The following RAB31 variants were observed in gnomAD, a reference collection of about 807,000 sequenced individuals.
RAB31 encodes ras-related protein Rab-31.
In RAB31, 21 loss-of-function variants were observed where a neutral mutation model predicts 25.6. The observed-to-expected ratio is 0.82, with a 90% CI of 0.58 to 1.18. The LOEUF is 1.18. Among genes scored for constraint, RAB31 ranks in the 50% most tolerant of loss-of-function variants. RAB31 has a pLI of 0.00. For missense variants in RAB31, 196 were observed against 250.1 expected, an observed-to-expected ratio of 0.78 and a Z score of 1.46; for synonymous variants, 87 against 84.0, an observed-to-expected ratio of 1.04 and a Z score of -0.20.
intron 1 of RAB31, among the ~76,000 whole-genome samples, chr18:9,749,464 C>G (rs1480296293): frequency 2.6e-5 from 4 of 152,206 alleles, no homozygotes; most frequent in African/African-American, 7.2e-5. Flanking sequence ...TTCTACTCCT[C>G]TACACAGTTA....
chr18:9,770,186 G>A (rs77923554), intron 1 of RAB31, among the ~76,000 whole-genome samples: 1 of 152,162 alleles, frequency 6.6e-6, no homozygotes, highest in Non-Finnish European at 1.5e-5. Flanking sequence ...TTTGGTATCA[G>A]GATGATGCTG....
At chr18:9,778,044 C>T (rs1314200829) in intron 2 of RAB31, among the ~76,000 whole-genome samples, 2 of 152,058 alleles carry the variant, frequency 1.3e-5, no homozygotes, top group African/African-American at 4.8e-5. Flanking sequence ...TGAGCCACTG[C>T]ACCCGGCCTG....
At chr18:9,792,067 T>A (rs1568180186) in intron 2 of RAB31, 87 bp from the exon 3 acceptor site, 2 of 1,509,078 alleles carry the variant, frequency 1.3e-6, no homozygotes, top group East Asian at 5.0e-5. Flanking sequence ...GGGGTCCTGC[T>A]GAGGTGTAGC....
rs936515295 is a variant in RAB31 at position 9,751,743 on chromosome 18, G to A, written c.40-23535G>A. On this transcript the variant is annotated intron_variant, in intron 1 of 6. Coordinates refer to ENST00000578921, the MANE Select transcript of RAB31 (RefSeq NM_006868.4). ...GTAAAAAAGTGGTTCATTTAATGAT[G>A]TAACGGCAAAGTGAAGGGACAAAAT... is the stretch of plus-strand genomic sequence containing the variant. 2.0e-5 allele frequency among the ~76,000 whole-genome samples: 3 copies of A among 152,232 alleles called. No individual in the cohort carries two copies. The East Asian group carries it at 5.8e-4, about 29-fold the overall frequency.
intron 6 of RAB31, among the ~76,000 whole-genome samples, chr18:9,853,808 T>C (rs2068801078): frequency 6.6e-6 from 1 of 152,178 alleles, no homozygotes; most frequent in South Asian, 2.1e-4. Flanking sequence ...CAATTCTCTA[T>C]TTTTCACTCA....
intron 5 of RAB31, among the ~76,000 whole-genome samples, chr18:9,838,257 G>A (rs569919098): frequency 3.0e-4 from 45 of 152,294 alleles, no homozygotes; most frequent in African/African-American, 1.1e-3. Context: ...CTTTCTGTGA[G>A]CAGTGCACTT....
At chr18:9,762,321 T>A (rs1214588444) in intron 1 of RAB31, among the ~76,000 whole-genome samples, 1 of 152,202 alleles carries the variant, frequency 6.6e-6, no homozygotes, top group Non-Finnish European at 1.5e-5. Flanking sequence ...GTAAAGATTG[T>A]CTTGTAAAAA....
intron 5 of RAB31, among the ~76,000 whole-genome samples, chr18:9,826,571 G>A (rs72477243): frequency 2.0e-5 from 3 of 152,000 alleles, no homozygotes; most frequent in Admixed American, 2.0e-4. Flanking sequence ...TTAATATGAG[G>A]CTACCCTATT....
At chr18:9,723,374 A>G (rs2068081857) in intron 1 of RAB31, among the ~76,000 whole-genome samples, 1 of 152,212 alleles carries the variant, frequency 6.6e-6, no homozygotes, top group Non-Finnish European at 1.5e-5. Context: ...TGAGCATGTG[A>G]ATAATGAACT....
chr18:9,792,968 C>T (rs990198585), intron 3 of RAB31, among the ~76,000 whole-genome samples: 2 of 152,200 alleles, frequency 1.3e-5, no homozygotes, highest in Non-Finnish European at 2.9e-5. Flanking sequence ...GCTGAAAATA[C>T]TTATGGAGAA....
At chr18:9,777,134 G>A (rs1175875541) in intron 2 of RAB31, among the ~76,000 whole-genome samples, 2 of 151,022 alleles carry the variant, frequency 1.3e-5, no homozygotes, top group East Asian at 3.9e-4. Flanking sequence ...ATGAGGTCAG[G>A]AGTTCAAGAC....
At chr18:9,774,316 G>A (rs1005113447) in intron 1 of RAB31, among the ~76,000 whole-genome samples, 1 of 152,120 alleles carries the variant, frequency 6.6e-6, no homozygotes, top group Non-Finnish European at 1.5e-5. Flanking sequence ...GCCCAGCTCC[G>A]TCCGATGCAG....
rs7244788 is a variant in RAB31 at position 9,835,949 on chromosome 18, C to T, written c.381-9633C>T. Among the ~76,000 whole-genome samples the T allele has an allele frequency of 6.1e-3, 925 of 152,086 alleles. 7 individuals carry two copies. Among genetic ancestry groups the T allele is most frequent in the African/African-American group, 0.021 (866 of 41,494 alleles). ...TCATTTCAGTGGGTGCTTGCCGGAA[C>T]GGGGCCTGCTGTGAGAACGCGTCAG... On this transcript the variant is annotated intron_variant, in intron 5 of 6. Transcript: ENST00000578921.
intron 3 of RAB31, among the ~76,000 whole-genome samples, chr18:9,803,535 T>A (rs1452597835): frequency 6.6e-6 from 1 of 152,012 alleles, no homozygotes; most frequent in Non-Finnish European, 1.5e-5. Flanking sequence ...CCCTAGTAAC[T>A]CTCTTGAAAG....
intron 3 of RAB31, chr18:9,797,307 C>T (rs2068491429): frequency 6.6e-6 from 1 of 152,184 alleles, no homozygotes; most frequent in South Asian, 2.1e-4. Flanking sequence ...GCTTTTGCAG[C>T]TGCCTTTAAT....
At chr18:9,771,806 A>T (rs181109690) in intron 1 of RAB31, among the ~76,000 whole-genome samples, 163 of 152,346 alleles carry the variant, frequency 1.1e-3, no homozygotes, top group African/African-American at 3.8e-3. Flanking sequence ...AGACAAACTA[A>T]AACTTTGTCT....
chr18:9,809,176 G>A (rs1231007492), intron 3 of RAB31, among the ~76,000 whole-genome samples: 1 of 152,204 alleles, frequency 6.6e-6, no homozygotes, highest in African/African-American at 2.4e-5. Context: ...TTGGCCGTGA[G>A]CTCTGGAGGG....
intron 3 of RAB31, among the ~76,000 whole-genome samples, chr18:9,807,472 C>G (rs1374867958): frequency 6.6e-6 from 1 of 152,116 alleles, no homozygotes; most frequent in Non-Finnish European, 1.5e-5. Flanking sequence ...ATAGACATAC[C>G]TAGGAGTGGG....
chr18:9,717,143 G>A (rs925963023), intron 1 of RAB31, among the ~76,000 whole-genome samples: 3 of 152,000 alleles, frequency 2.0e-5, no homozygotes, highest in South Asian at 4.2e-4. Context: ...GCAATGGTGC[G>A]ATCACAGCTC....
Sources: gnomAD v4.1 joint callset for allele counts (sites outside exome capture counted in the v4.1 genomes callset) on GRCh38, gnomAD v4.1.1 for gene constraint, MANE v1.5 for transcripts, NCBI Gene and HGNC (gene_info 2026-07-23, HGNC 2026-07-21) for gene names.